Variants in AIFM2 observed in about 807,000 individuals in gnomAD.
AIFM2 encodes the protein ferroptosis suppressor protein 1.
Under a neutral mutation model 35.7 loss-of-function variants are expected in AIFM2, and 38 were observed. The observed-to-expected ratio is 1.06, with a 90% confidence interval of 0.82 to 1.39. The LOEUF (loss-of-function observed/expected upper bound fraction) is 1.39, where lower values mean the gene tolerates loss of function less well. Ranked by LOEUF, AIFM2 falls within the 40% of genes most tolerant of loss-of-function variation. AIFM2 has a pLI of 0.00. For missense variants in AIFM2, 476 were observed against 491.2 expected (o/e 0.97, Z 0.29); for synonymous variants, 185 against 203.5 (o/e 0.91, Z 0.77).
chr10:70,128,858 A>G (rs1356565153), intron 1 of AIFM2, among the ~76,000 whole-genome samples: 10 of 152,168 alleles, frequency 6.6e-5, no homozygotes. Context: ...AGACACACAT[A>G]CACAATCTGA....
Position 70,131,505 on chromosome 10 carries a change from A to G in AIFM2, c.-14+1229T>C, listed in dbSNP as rs544001203. ...GGCAGCCTCCTTTTATCCCCAGGGG[A>G]GGGCAGCTCTGGGGCAGACAGGTTC... On this transcript the variant is annotated intron_variant, in intron 1 of 8. Coordinates refer to ENST00000307864, the MANE Select transcript of AIFM2 (RefSeq NM_032797.6). The surrounding 1 kb of genome is among the most constrained non-coding windows in gnomAD (Gnocchi z 4.1). 3.5e-4 allele frequency among the ~76,000 whole-genome samples: 53 copies of G among 152,268 alleles called. No homozygotes were observed. Among genetic ancestry groups the G allele is most frequent in the Non-Finnish European group, 6.9e-4 (47 of 68,012 alleles).
intron 5 of AIFM2, among the ~76,000 whole-genome samples, chr10:70,120,103 A>G (rs368681206): frequency 1.3e-5 from 2 of 152,392 alleles, no homozygotes. Flanking sequence ...TCTTTGTCCA[A>G]GCTGGTTGCC....
chr10:70,121,223 C>CA lies in AIFM2; in HGVS notation c.295-13dup, dbSNP rs35599207. On this transcript the variant is annotated splice_polypyrimidine_tract_variant and intron_variant, in intron 3 of 8. Coordinates refer to ENST00000307864, the MANE Select transcript of AIFM2 (RefSeq NM_032797.6). ...GAGAAGGGCAGGGCCTGAGAGAAAC[C>CA]AAAAAAAAAAAAAAAAAAAAAAAAA... The CA allele has an allele frequency of 0.011, 7,533 of 663,562 alleles. 47 individuals carry two copies. The highest frequency in any genetic ancestry group is 0.026 in the African/African-American group (679 of 26,206). The allele number at this position is 663,562 out of a possible 1,614,324, so 41.1% of individuals were successfully genotyped here. A position where few individuals can be genotyped will look rare whatever the true frequency, so the allele number is the denominator to read the frequency against.
At chr10:70,114,381 T>G in intron 8 of AIFM2, 52 bp from the exon 9 acceptor site, 1 of 1,608,424 alleles carries the variant, frequency 6.2e-7, no homozygotes, top group Non-Finnish European at 8.5e-7. Flanking sequence ...CGCCTGGGGC[T>G]GCACCTCCCA....
In AIFM2 at chr10:70,113,785, G is replaced by A. The variant is rs2072402874; in HGVS notation, c.*393C>T. 1 of 167,660 alleles carries A rather than the reference G, an allele frequency of 6.0e-6. No individual in the cohort carries two copies. The highest frequency in any genetic ancestry group is 1.3e-5 in the Non-Finnish European group (1 of 78,854). 10.4% of individuals were successfully genotyped at this position (167,660 alleles called of 1,614,324 possible). A position where few individuals can be genotyped will look rare whatever the true frequency, so the allele number is the denominator to read the frequency against. ...TCACAGACAGACACTGGCCACCAGA[G>A]CCCAGCAATCTGCCCTGCTCTGAGA... On this transcript the variant is annotated 3_prime_UTR_variant, in exon 9 of 9. Transcript: ENST00000307864.
chr10:70,125,713 C>T (rs2072558657), intron 1 of AIFM2, among the ~76,000 whole-genome samples: 1 of 151,948 alleles, frequency 6.6e-6, no homozygotes, highest in African/African-American at 2.4e-5. Context: ...TCAAGTGATC[C>T]TCCCACCTCA....
chr10:70,122,563 G>A (rs1204697750), intron 3 of AIFM2, among the ~76,000 whole-genome samples: 1 of 152,220 alleles, frequency 6.6e-6, no homozygotes, highest in Non-Finnish European at 1.5e-5. Context: ...CACATGTGAG[G>A]TGGGGGAACA....
chr10:70,119,107 A>C (rs1171042050), intron 5 of AIFM2, among the ~76,000 whole-genome samples: 1 of 152,240 alleles, frequency 6.6e-6, no homozygotes, highest in Non-Finnish European at 1.5e-5. Flanking sequence ...TCCACATGCC[A>C]GGACAGTGAT....
intron 1 of AIFM2, among the ~76,000 whole-genome samples, chr10:70,130,015 C>T (rs1445967676): frequency 6.6e-6 from 1 of 152,110 alleles, no homozygotes; most frequent in Non-Finnish European, 1.5e-5. Context: ...GAAACCCCAT[C>T]TCTACAAAAA....
At position 70,116,336 on chromosome 10, in the gene AIFM2, C is replaced by T. The variant is rs531034310; in HGVS notation, c.769+286G>A. ...CCTCAGGTGAGGGGGAAAGAAACAC[C>T]ACCAACCTTTGTCATCTCTCTGACG... On this transcript the variant is annotated intron_variant, in intron 7 of 8. Transcript: ENST00000307864. 9.2e-5 allele frequency among the ~76,000 whole-genome samples: 14 copies of T among 152,336 alleles called. No homozygotes were observed. In the East Asian group the frequency reaches 1.9e-3, roughly 21 times the overall value.
chr10:70,125,368 A>C (rs1216859548), intron 1 of AIFM2, among the ~76,000 whole-genome samples: 1 of 140,824 alleles, frequency 7.1e-6, no homozygotes, highest in Non-Finnish European at 1.5e-5. Context: ...TGGGAGGCTG[A>C]GGAAGGAGGA....
chr10:70,114,763 C>T (rs762272077), intron 8 of AIFM2, 157 bp downstream of exon 8: 11 of 961,068 alleles, frequency 1.1e-5, no homozygotes, highest in South Asian at 3.3e-5. Context: ...TGTGAGCCAC[C>T]GCGCCCAGCC....
In AIFM2 at chr10:70,116,607, T is replaced by G; in HGVS notation, c.769+15A>C. The G allele has an allele frequency of 6.2e-7, 1 of 1,612,794 alleles. No individual in the cohort carries two copies. Among genetic ancestry groups the G allele is most frequent in the Non-Finnish European group, 8.5e-7 (1 of 1,179,772 alleles). On this transcript the variant is annotated intron_variant, in intron 7 of 8. Transcript: ENST00000307864. ...CAAGGAGGCACAGGGGAAGCCCGGCTGGGCACCTGCTCACCAAACGCTTTG... is the reference window on the plus strand; with the variant it reads ...CAAGGAGGCACAGGGGAAGCCCGGCGGGGCACCTGCTCACCAAACGCTTTG...
rs1324888219 is a variant in AIFM2, at chr10:70,112,968, T to G, written c.*1210A>C. The G allele has an allele frequency of 1.3e-5, 2 of 152,192 alleles. No individual in the cohort carries two copies. Among genetic ancestry groups the G allele is most frequent in the Admixed American group, 6.5e-5 (1 of 15,282 alleles). The allele number at this position is 152,192 out of a possible 1,614,324, so 9.4% of individuals were successfully genotyped here. Reference sequence around the variant, plus strand: ...CAGCTGGAGTTTTGTCACTTACAAATCTGCCCATAAGTAACCTAGAAATAT... The same window carrying G: ...CAGCTGGAGTTTTGTCACTTACAAAGCTGCCCATAAGTAACCTAGAAATAT... On this transcript the variant is annotated 3_prime_UTR_variant, in exon 9 of 9. Coordinates refer to ENST00000307864, the MANE Select transcript of AIFM2 (RefSeq NM_032797.6).
chr10:70,114,927 G>C lies in AIFM2; in HGVS notation c.963C>G (p.Tyr321Ter). 6.2e-7 allele frequency: 1 copy of C among 1,613,830 alleles called. No homozygotes were observed. Among genetic ancestry groups the C allele is most frequent in the Non-Finnish European group, 8.5e-7 (1 of 1,179,898 alleles). ...NSVKQRPLQA[Y>*]KPGALTFLLS... ...ACATGGGGCCTCTCTTACCCGGCTT[G>C]TAGGCCTGGAGAGGCCGCTGCTTCA... The change falls in exon 8 of 9, where the codon TAC (tyrosine) becomes TAG (stop). Residue 321 changes from tyrosine (Y) to a stop codon, truncating the protein, a stop_gained. Transcript: ENST00000307864. LOFTEE classifies it high-confidence loss of function.
Position 70,116,742 on chromosome 10 carries a change from G to C in AIFM2, c.649C>G (p.Leu217Val). ...TTGATGTACTCTCGATACTCATTGA[G>C]AGGCAGCTCCTCCAGATTGCTCACC... The part of the protein sequence containing the change: ...ERVSNLEELP[L>V]NEYREYIKVQ... The change falls in exon 7 of 9, where the codon CTC becomes GTC. Residue 217 changes from leucine (L) to valine (V), a missense_variant. Transcript: ENST00000307864. The C allele has an allele frequency of 1.2e-6, 2 of 1,614,206 alleles. No homozygotes were observed. Among genetic ancestry groups the C allele is most frequent in the Non-Finnish European group, 1.7e-6 (2 of 1,180,030 alleles).
rs943054567 is a variant in AIFM2 at position 70,121,095 on chromosome 10, C to T, written c.411G>A (p.Arg137=). The T allele has an allele frequency of 2.5e-6, 4 of 1,611,230 alleles. No individual in the cohort carries two copies. The highest frequency in any genetic ancestry group is 3.4e-6 in the Non-Finnish European group (4 of 1,179,568). The change falls in exon 4 of 9, where the codon AGG becomes AGA. Residue 137 remains arginine (R), a synonymous_variant. Coordinates refer to ENST00000307864, the MANE Select transcript of AIFM2 (RefSeq NM_032797.6). ...AAIQAYEDMV[R]QVQRSRFIVV... ...ATGCCTTCAGTGCACAGCTCACCTG[C>T]CTCACCATGTCCTCATAGGCCTGGA...
intron 1 of AIFM2, among the ~76,000 whole-genome samples, chr10:70,124,748 GAAC>G (rs904901672): frequency 1.3e-5 from 2 of 152,086 alleles, no homozygotes; most frequent in Non-Finnish European, 2.9e-5. Context: ...ACATCTAAAG[GAAC>G]AACAAAAAAC....
At position 70,117,933 on chromosome 10, in the gene AIFM2, C is replaced by T. The variant is rs113237136; in HGVS notation, c.508-13G>A. 2,613 of 1,592,028 alleles carry T rather than the reference C, an allele frequency of 1.6e-3. 42 individuals carry two copies. In the African/African-American group the frequency reaches 0.03, roughly 18 times the overall value. On this transcript the variant is annotated splice_polypyrimidine_tract_variant and intron_variant, in intron 5 of 8. Transcript: ENST00000307864. The surrounding 1 kb of genome is among the most constrained non-coding windows in gnomAD (Gnocchi z 4.7). ...GAATGAGAGTGACCTGAGGACAAAA[C>T]GACCACAGGGCCTGAGAAGGAGCCC... is the stretch of plus-strand genomic sequence containing the variant.
Sources: allele counts gnomAD v4.1 joint callset (sites outside exome capture counted in the v4.1 genomes callset), GRCh38; gene constraint gnomAD v4.1.1; non-coding constraint Gnocchi (gnomAD v3.1); transcripts MANE v1.5; gene names NCBI Gene and HGNC (gene_info 2026-07-23, HGNC 2026-07-21).